ARHGAP10: variants seen among roughly 807,000 people sequenced by gnomAD.
ARHGAP10 encodes the protein rho GTPase-activating protein 10.
A neutral mutation model predicts 108.6 loss-of-function variants in ARHGAP10; 87 were observed. That is an observed-to-expected ratio of 0.80 (90% CI 0.67 to 0.96). ARHGAP10 has a LOEUF of 0.96. Ranked by LOEUF, ARHGAP10 falls within the 40% of genes least tolerant of loss-of-function variation. The pLI is 0.00. For missense variants in ARHGAP10, 939 were observed against 954.5 expected, an observed-to-expected ratio of 0.98 and a Z score of 0.21; for synonymous variants, 347 against 341.1, an observed-to-expected ratio of 1.02 and a Z score of -0.19.
chr4:148,037,145 G>A (rs955149750), intron 19 of ARHGAP10, among the ~76,000 whole-genome samples: 8 of 152,178 alleles, frequency 5.3e-5, no homozygotes, highest in Non-Finnish European at 1.2e-4. Flanking sequence ...GTGACAAGAT[G>A]CAAAATCAAA....
At chr4:147,913,878 CGTG>C (rs1202423215) in intron 13 of ARHGAP10, among the ~76,000 whole-genome samples, 3 of 152,168 alleles carry the variant, frequency 2.0e-5, no homozygotes, top group Admixed American at 6.5e-5. Flanking sequence ...GCTTGCCAGA[CGTG>C]GTGGCTCACG....
intron 1 of ARHGAP10, among the ~76,000 whole-genome samples, chr4:147,803,954 G>A (rs1048435989): frequency 1.3e-5 from 2 of 151,100 alleles, no homozygotes; most frequent in Admixed American, 6.6e-5. Context: ...ATAAATATTC[G>A]ATAGTGGGAA....
At chr4:148,052,236 T>C (rs888269122) in intron 20 of ARHGAP10, among the ~76,000 whole-genome samples, 1 of 151,468 alleles carries the variant, frequency 6.6e-6, no homozygotes, top group Non-Finnish European at 1.5e-5. Context: ...CTTTCCTTCT[T>C]CCCTCTCTCT....
chr4:147,798,781 CTATATATATATATATATATATATA>C (rs201269477), intron 1 of ARHGAP10, among the ~76,000 whole-genome samples: 1 of 7,232 alleles, frequency 1.4e-4, no homozygotes, highest in African/African-American at 2.3e-4. Flanking sequence ...CTCTCTCTCT[CTATATATATATATATATATATATA>C]TATATATATA....
intron 3 of ARHGAP10, among the ~76,000 whole-genome samples, chr4:147,841,061 G>T (rs1192645844): frequency 6.6e-6 from 1 of 152,206 alleles, no homozygotes; most frequent in East Asian, 1.9e-4. Context: ...GCTGTTTGTG[G>T]CTGCTTTTGT....
intron 16 of ARHGAP10, among the ~76,000 whole-genome samples, chr4:147,964,018 A>G (rs1255316487): frequency 6.6e-6 from 1 of 152,186 alleles, no homozygotes; most frequent in Non-Finnish European, 1.5e-5. Context: ...ATCGTGTATT[A>G]AGCACGCCTT....
rs115444864 is a variant in ARHGAP10 at position 147,996,008 on chromosome 4, C to T, written c.1717-27255C>T. On this transcript the variant is annotated intron_variant, in intron 18 of 22. Transcript: ENST00000336498. ...CTGGGATTACAGGCATCAGCCACTG[C>T]GCCTGGTGGTCCATCTCTTTTATAC... Among the ~76,000 whole-genome samples the T allele has an allele frequency of 3.5e-3, 538 of 152,294 alleles. 3 individuals carry two copies. Among genetic ancestry groups the T allele is most frequent in the African/African-American group, 0.012 (513 of 41,570 alleles).
At chr4:148,015,465 G>A (rs1206984557) in intron 18 of ARHGAP10, among the ~76,000 whole-genome samples, 1 of 152,144 alleles carries the variant, frequency 6.6e-6, no homozygotes, top group Non-Finnish European at 1.5e-5. Flanking sequence ...AAGATTCTGA[G>A]TTTTAGTGAA....
intron 19 of ARHGAP10, among the ~76,000 whole-genome samples, chr4:148,031,392 A>G (rs944090226): frequency 2.0e-5 from 3 of 152,206 alleles, no homozygotes; most frequent in Admixed American, 6.5e-5. Context: ...GAACAATCCT[A>G]TAGGTAGTAT....
chr4:148,036,399 C>T (rs1196815930), intron 19 of ARHGAP10, among the ~76,000 whole-genome samples: 1 of 152,148 alleles, frequency 6.6e-6, no homozygotes, highest in Non-Finnish European at 1.5e-5. Context: ...CTATAATCCC[C>T]ACGTGTCGTG....
At chr4:147,891,233 C>G (rs551219383) in intron 10 of ARHGAP10, among the ~76,000 whole-genome samples, 1 of 152,182 alleles carries the variant, frequency 6.6e-6, no homozygotes, top group Admixed American at 6.5e-5. Flanking sequence ...ACCTAAATGT[C>G]TGTTAAGAGA....
At chr4:148,043,451 T>C (rs940848166) in intron 19 of ARHGAP10, among the ~76,000 whole-genome samples, 7 of 151,456 alleles carry the variant, frequency 4.6e-5, no homozygotes, top group Non-Finnish European at 1.0e-4. Context: ...CTGACTTTAA[T>C]TCTCAATTTT....
At chr4:147,899,339 GTGTGTCTGTGTC>G (rs1387880317) in intron 10 of ARHGAP10, among the ~76,000 whole-genome samples, 1 of 149,086 alleles carries the variant, frequency 6.7e-6, no homozygotes, top group Admixed American at 6.6e-5. Flanking sequence ...GTGTGTGTGT[GTGTGTCTGTGTC>G]TGTGTCTGTG....
intron 1 of ARHGAP10, among the ~76,000 whole-genome samples, chr4:147,752,271 C>T (rs551590264): frequency 2.0e-5 from 3 of 151,932 alleles, no homozygotes; most frequent in Admixed American, 6.6e-5. Context: ...TGTGTAAAGT[C>T]GTGGGGTTGT....
chr4:147,922,687 C>CAAAAAA (rs34169210), intron 13 of ARHGAP10, among the ~76,000 whole-genome samples: 10 of 99,238 alleles, frequency 1.0e-4, no homozygotes, highest in African/African-American at 3.8e-4. Context: ...GACTCCGTCT[C>CAAAAAA]AAAAAAAAAA....
At chr4:147,831,016 C>T (rs912553279) in intron 3 of ARHGAP10, among the ~76,000 whole-genome samples, 3 of 152,208 alleles carry the variant, frequency 2.0e-5, no homozygotes, top group Non-Finnish European at 2.9e-5. Context: ...ACTTTAGGAA[C>T]GTGCAAGAAA....
intron 1 of ARHGAP10, among the ~76,000 whole-genome samples, chr4:147,771,563 A>G (rs1430433304): frequency 6.6e-6 from 1 of 152,174 alleles, no homozygotes; most frequent in Non-Finnish European, 1.5e-5. Context: ...TTTTGTACCC[A>G]TTCAAGTGTT....
intron 8 of ARHGAP10, among the ~76,000 whole-genome samples, chr4:147,875,510 A>G (rs189907043): frequency 1.6e-3 from 250 of 152,146 alleles, no homozygotes; most frequent in Non-Finnish European, 3.0e-3. Context: ...CTTCCCCCTC[A>G]CCTCTACCCT....
At chr4:147,853,171 A>G (rs1176179622) in intron 4 of ARHGAP10, among the ~76,000 whole-genome samples, 1 of 152,224 alleles carries the variant, frequency 6.6e-6, no homozygotes, top group Non-Finnish European at 1.5e-5. Context: ...CTCACACAGT[A>G]CTATTTAGAC....
Sources: gnomAD v4.1 joint callset for allele counts (sites outside exome capture counted in the v4.1 genomes callset) on GRCh38, gnomAD v4.1.1 for gene constraint, MANE v1.5 for transcripts, NCBI Gene and HGNC (gene_info 2026-07-23, HGNC 2026-07-21) for gene names.